SSMEM1: variants seen among roughly 807,000 people sequenced by gnomAD.
SSMEM1 encodes serine rich single-pass membrane protein 1, also known as serine-rich single-pass membrane protein 1.
In SSMEM1, 12 loss-of-function variants were observed where a neutral mutation model predicts 9.9. That is an observed-to-expected ratio of 1.21 (90% CI 0.78 to 1.96). The LOEUF (loss-of-function observed/expected upper bound fraction) is 1.96, where lower values mean the gene tolerates loss of function less well. SSMEM1 is among the 30% of genes most tolerant of loss of function. SSMEM1 has a pLI of 0.00. For synonymous variants in SSMEM1, 96 were observed against 98.9 expected (o/e 0.97, Z 0.17); for missense variants, 259 against 292.2 (o/e 0.89, Z 0.83).
At chr7:130,211,684 T>C (rs1442804212) in intron 1 of SSMEM1, among the ~76,000 whole-genome samples, 2 of 152,204 alleles carry the variant, frequency 1.3e-5, no homozygotes, top group Admixed American at 6.5e-5. Context: ...TTTTTCCTAA[T>C]TGTAGACAAT....
At chr7:130,207,681 A>C (rs947598298), upstream of SSMEM1, 1 of 632,888 alleles carries the variant, frequency 1.6e-6, no homozygotes, top group African/African-American at 1.8e-5. Flanking sequence ...GGCAGAATGC[A>C]CCATATTGAG....
At chr7:130,205,458 G>A (rs965303143), upstream of SSMEM1, 48 of 1,608,048 alleles carry the variant, frequency 3.0e-5, no homozygotes, top group Admixed American at 5.0e-5. Flanking sequence ...CCACCGGCAA[G>A]CGGCTCTAAA....
upstream of SSMEM1, chr7:130,207,843 G>A (rs1274175081): frequency 4.0e-6 from 6 of 1,513,358 alleles, no homozygotes; most frequent in African/African-American, 5.5e-5. Flanking sequence ...CATCATAGAG[G>A]GAGTGAAGTA....
At chr7:130,209,214 A>T (rs192128566) in intron 1 of SSMEM1, among the ~76,000 whole-genome samples, 3 of 152,318 alleles carry the variant, frequency 2.0e-5, no homozygotes, top group Non-Finnish European at 4.4e-5. Context: ...GGCCATTAAT[A>T]CCAGGCTGAT....
intron 1 of SSMEM1, 87 bp from the exon 2 acceptor site, chr7:130,213,393 T>A: frequency 1.1e-6 from 1 of 936,476 alleles, no homozygotes; most frequent in Non-Finnish European, 1.6e-6. Flanking sequence ...ACATTATAAA[T>A]GGGCCTCAGC....
At chr7:130,209,720 T>C (rs1798556948) in intron 1 of SSMEM1, among the ~76,000 whole-genome samples, 1 of 152,180 alleles carries the variant, frequency 6.6e-6, no homozygotes, top group South Asian at 2.1e-4. Context: ...GCTGGGATTA[T>C]AGGCGTGCAT....
At chr7:130,212,349 G>T (rs775520307) in intron 1 of SSMEM1, among the ~76,000 whole-genome samples, 12 of 152,072 alleles carry the variant, frequency 7.9e-5, no homozygotes, top group Non-Finnish European at 1.5e-4. Context: ...TCATGAATTC[G>T]GTAAAGATCT....
intron 1 of SSMEM1, among the ~76,000 whole-genome samples, chr7:130,209,661 C>A (rs36037144): frequency 0.26 from 39,198 of 152,172 alleles, 5,581 homozygotes; most frequent in African/African-American, 0.36. Context: ...CTCACTGCAA[C>A]CTCAGCCTCC....
chr7:130,215,252 C>T (rs1798681759), intron 2 of SSMEM1, among the ~76,000 whole-genome samples: 2 of 151,934 alleles, frequency 1.3e-5, no homozygotes, highest in African/African-American at 2.4e-5. Flanking sequence ...TGCAGTGAGC[C>T]GAGATCGTGC....
intron 1 of SSMEM1, among the ~76,000 whole-genome samples, chr7:130,212,720 C>A (rs1381253175): frequency 2.0e-5 from 3 of 150,066 alleles, no homozygotes; most frequent in Admixed American, 6.6e-5. Context: ...AGCAAGACTC[C>A]GTCTCAAAAA....
At chr7:130,213,613 C>G in intron 2 of SSMEM1, 79 bp downstream of exon 2, 1 of 1,184,822 alleles carries the variant, frequency 8.4e-7, no homozygotes, top group South Asian at 1.4e-5. Flanking sequence ...GTCCCAGCTA[C>G]TCAGAAGGCT....
At chr7:130,211,062 T>C (rs1277098232) in intron 1 of SSMEM1, among the ~76,000 whole-genome samples, 1 of 152,116 alleles carries the variant, frequency 6.6e-6, no homozygotes, top group Non-Finnish European at 1.5e-5. Flanking sequence ...TCTTTACATA[T>C]ATTAAATTTA....
In SSMEM1 at chr7:130,216,353, C is replaced by T; in HGVS notation, c.618C>T (p.Thr206=). The T allele has an allele frequency of 6.2e-7, 1 of 1,614,124 alleles. No homozygotes were observed. The highest frequency in any genetic ancestry group is 8.5e-7 in the Non-Finnish European group (1 of 1,180,014). Residue 206 remains threonine, a synonymous_variant, in exon 3 of 3, where the codon ACC becomes ACT. Coordinates refer to ENST00000297819, the MANE Select transcript of SSMEM1 (RefSeq NM_145268.4). ...RHCLHCKALR[T]NEWLAHHSRQ... The stretch of plus-strand genomic sequence containing the variant: ...GCCTCCACTGCAAAGCCTTGAGAAC[C>T]AACGAATGGTTGGCGCACCATTCCC...
chr7:130,214,421 T>TAATA (rs1193859096), intron 2 of SSMEM1, among the ~76,000 whole-genome samples: 1 of 151,890 alleles, frequency 6.6e-6, no homozygotes, highest in Non-Finnish European at 1.5e-5. Flanking sequence ...TCTAAAAATT[T>TAATA]AATAAATAAA....
chr7:130,214,993 C>T (rs1017832495), intron 2 of SSMEM1, among the ~76,000 whole-genome samples: 2 of 152,160 alleles, frequency 1.3e-5, no homozygotes, highest in Non-Finnish European at 2.9e-5. Context: ...AGGAGATGTG[C>T]AGTAGTGCAC....
In SSMEM1 at chr7:130,212,720, C is replaced by T. The variant is rs1381253175; in HGVS notation, c.184-760C>T. ...AGCCTGGGCATACAGAGCAAGACTCCGTCTCAAAAAAAAAACAAAAACAAA... is the reference window on the plus strand; with the variant it reads ...AGCCTGGGCATACAGAGCAAGACTCTGTCTCAAAAAAAAAACAAAAACAAA... On this transcript the variant is annotated intron_variant, in intron 1 of 2. Coordinates refer to ENST00000297819, the MANE Select transcript of SSMEM1 (RefSeq NM_145268.4). 6.0e-5 allele frequency among the ~76,000 whole-genome samples: 9 copies of T among 150,064 alleles called. No individual in the cohort carries two copies. In the South Asian group the frequency reaches 8.4e-4, roughly 14 times the overall value.
At chr7:130,208,123 T>C in intron 1 of SSMEM1, 30 bp downstream of exon 1, 1 of 1,574,162 alleles carries the variant, frequency 6.4e-7, no homozygotes, top group Non-Finnish European at 8.6e-7. Context: ...TTTTAAATAA[T>C]ATGTTTACTG....
At chr7:130,210,379 T>C (rs1798569420) in intron 1 of SSMEM1, among the ~76,000 whole-genome samples, 1 of 152,190 alleles carries the variant, frequency 6.6e-6, no homozygotes, top group Non-Finnish European at 1.5e-5. Context: ...TTACAAACCT[T>C]GAAGTAATGG....
At chr7:130,214,679 T>C (rs1312011583) in intron 2 of SSMEM1, among the ~76,000 whole-genome samples, 2 of 152,238 alleles carry the variant, frequency 1.3e-5, no homozygotes, top group African/African-American at 4.8e-5. Flanking sequence ...TGTTGGAACT[T>C]AACTTGGTTG....
Sources: allele counts gnomAD v4.1 joint callset (sites outside exome capture counted in the v4.1 genomes callset), GRCh38; gene constraint gnomAD v4.1.1; transcripts MANE v1.5; gene names NCBI Gene and HGNC (gene_info 2026-07-23, HGNC 2026-07-21).